Variants in ENOX1 observed in about 807,000 individuals in gnomAD.
ENOX1 encodes ecto-NOX disulfide-thiol exchanger 1.
Under a neutral mutation model 82.5 loss-of-function variants are expected in ENOX1, and 42 were observed. That is an observed-to-expected ratio of 0.51 (90% CI 0.40 to 0.66). The LOEUF (loss-of-function observed/expected upper bound fraction) is 0.66, where lower values mean the gene tolerates loss of function less well. ENOX1 is among the 30% of genes least tolerant of loss of function. The pLI, the probability that ENOX1 is intolerant of heterozygous loss-of-function variation, is 0.00. For missense variants in ENOX1, 608 were observed against 811.6 expected, an observed-to-expected ratio of 0.75 and a Z score of 3.05; for synonymous variants, 271 against 282.2, an observed-to-expected ratio of 0.96 and a Z score of 0.40.
chr13:43,403,623 G>T (rs2053621515), intron 5 of ENOX1, among the ~76,000 whole-genome samples: 1 of 152,100 alleles, frequency 6.6e-6, no homozygotes, highest in Admixed American at 6.5e-5. Flanking sequence ...CGGGCAGATT[G>T]CTTGATCAAG....
At chr13:43,710,589 T>A (rs1423884858) in intron 1 of ENOX1, among the ~76,000 whole-genome samples, 1 of 152,050 alleles carries the variant, frequency 6.6e-6, no homozygotes, top group Non-Finnish European at 1.5e-5. Flanking sequence ...ATCAGAAGGA[T>A]AATAATTGAA....
At chr13:43,527,999 A>G (rs1485093882) in intron 2 of ENOX1, among the ~76,000 whole-genome samples, 2 of 152,130 alleles carry the variant, frequency 1.3e-5, no homozygotes, top group Non-Finnish European at 2.9e-5. Flanking sequence ...TAATTTTCCA[A>G]GAGAGTTTCC....
chr13:43,482,866 C>T (rs1303251472), intron 3 of ENOX1, among the ~76,000 whole-genome samples: 2 of 152,038 alleles, frequency 1.3e-5, no homozygotes, highest in Non-Finnish European at 2.9e-5. Flanking sequence ...ACTGAATTGA[C>T]AGGCTAGAGA....
chr13:43,779,539 G>A (rs889048170), intron 1 of ENOX1, among the ~76,000 whole-genome samples: 2 of 152,210 alleles, frequency 1.3e-5, no homozygotes, highest in Admixed American at 1.3e-4. Flanking sequence ...GAGTGTCAGG[G>A]CATGAGTAGC....
chr13:43,608,365 G>T (rs2153735716), intron 2 of ENOX1, among the ~76,000 whole-genome samples: 1 of 152,218 alleles, frequency 6.6e-6, no homozygotes, highest in Non-Finnish European at 1.5e-5. Flanking sequence ...GATGTCAAAG[G>T]ATATAAAGAT....
At chr13:43,752,435 A>G (rs557638900) in intron 1 of ENOX1, among the ~76,000 whole-genome samples, 2 of 152,314 alleles carry the variant, frequency 1.3e-5, no homozygotes, top group Admixed American at 6.5e-5. Flanking sequence ...TTTCAGTGTC[A>G]TATCTAAGAA....
intron 2 of ENOX1, among the ~76,000 whole-genome samples, chr13:43,577,856 C>T (rs2080514715): frequency 6.6e-6 from 1 of 152,196 alleles, no homozygotes; most frequent in African/African-American, 2.4e-5. Context: ...CAACTTTCTG[C>T]TTCCTTGCCC....
At chr13:43,762,594 T>G (rs1951046688) in intron 1 of ENOX1, among the ~76,000 whole-genome samples, 1 of 152,206 alleles carries the variant, frequency 6.6e-6, no homozygotes, top group Non-Finnish European at 1.5e-5. Flanking sequence ...TAGCCTCCAG[T>G]AAATGTAAGC....
intron 3 of ENOX1, among the ~76,000 whole-genome samples, chr13:43,466,496 A>AAT (rs2057726078): frequency 6.6e-6 from 1 of 152,186 alleles, no homozygotes; most frequent in Non-Finnish European, 1.5e-5. Flanking sequence ...AATAAAGAAA[A>AAT]AGAACAACTA....
chr13:43,552,278 G>C (rs774417415), intron 2 of ENOX1, among the ~76,000 whole-genome samples: 4 of 150,876 alleles, frequency 2.7e-5, no homozygotes, highest in Non-Finnish European at 5.9e-5. Context: ...CCATAGAAAA[G>C]GGCTCACCTC....
chr13:43,260,976 C>A (rs551268100), intron 14 of ENOX1, among the ~76,000 whole-genome samples: 2 of 152,326 alleles, frequency 1.3e-5, no homozygotes, highest in Non-Finnish European at 2.9e-5. Flanking sequence ...GCGTGAACTG[C>A]ACAAGTCCTC....
intron 2 of ENOX1, among the ~76,000 whole-genome samples, chr13:43,540,557 C>G (rs1253491324): frequency 3.3e-5 from 5 of 152,140 alleles, no homozygotes; most frequent in Admixed American, 3.3e-4. Context: ...GGAAGGCTCT[C>G]AGGAGGCAAG....
chr13:43,668,656 C>A (rs11838431), intron 1 of ENOX1, among the ~76,000 whole-genome samples: 1,974 of 152,176 alleles, frequency 0.013, 39 homozygotes, highest in African/African-American at 0.044. Flanking sequence ...TAAAGAGCCC[C>A]AAAGTGGAAG....
intron 12 of ENOX1, among the ~76,000 whole-genome samples, chr13:43,270,648 G>T (rs771630470): frequency 2.0e-5 from 3 of 152,168 alleles, no homozygotes; most frequent in Non-Finnish European, 4.4e-5. Context: ...GGTTTGGGGG[G>T]ATTTTGCAGG....
intron 1 of ENOX1, among the ~76,000 whole-genome samples, chr13:43,692,824 C>G (rs1168012020): frequency 6.6e-6 from 1 of 152,004 alleles, no homozygotes; most frequent in Non-Finnish European, 1.5e-5. Flanking sequence ...TGAGAGTAAA[C>G]TGATAAAAAT....
At chr13:43,351,403 ATTTATTTAT>A (rs2049782282) in intron 8 of ENOX1, among the ~76,000 whole-genome samples, 4 of 140,724 alleles carry the variant, frequency 2.8e-5, no homozygotes, top group Admixed American at 1.4e-4. Context: ...TTTTTATTTT[ATTTATTTAT>A]TTTATTTATT....
intron 14 of ENOX1, among the ~76,000 whole-genome samples, chr13:43,242,487 C>T (rs932498981): frequency 2.6e-5 from 4 of 152,238 alleles, no homozygotes; most frequent in African/African-American, 9.6e-5. Context: ...TTCTTTACCA[C>T]CAACTGACCA....
chr13:43,326,549 C>A, intron 9 of ENOX1, 24 bp from the exon 10 acceptor site: 2 of 1,583,800 alleles, frequency 1.3e-6, no homozygotes, highest in Non-Finnish European at 1.7e-6. Context: ...GGAAGTCAAA[C>A]AAGACAAGTA....
chr13:43,618,643 C>T lies in ENOX1; in HGVS notation c.-219+48836G>A, dbSNP rs9567235. On this transcript the variant is annotated intron_variant, in intron 2 of 16. Coordinates refer to ENST00000690772, the MANE Select transcript of ENOX1 (RefSeq NM_001347969.2). ...TACAACACTGTTTTGGTGACTATGG[C>T]CTTATAGTTTGAAATCAGATAGTGT... Among the ~76,000 whole-genome samples, 1,328 of 151,876 alleles carry T rather than the reference C, an allele frequency of 8.7e-3. 24 individuals are homozygous for T. Among genetic ancestry groups the T allele is most frequent in the East Asian group, 0.085 (441 of 5,168 alleles).
Sources: gnomAD v4.1 joint callset for allele counts (sites outside exome capture counted in the v4.1 genomes callset) on GRCh38, gnomAD v4.1.1 for gene constraint, MANE v1.5 for transcripts, NCBI Gene and HGNC (gene_info 2026-07-23, HGNC 2026-07-21) for gene names.